Variants in OPA1 observed in about 807,000 individuals in gnomAD.
OPA1 encodes dynamin-like GTPase OPA1, mitochondrial.
Under a neutral mutation model 152.9 loss-of-function variants are expected in OPA1, and 59 were observed. That is an observed-to-expected ratio of 0.39 (90% CI 0.31 to 0.48). The LOEUF (loss-of-function observed/expected upper bound fraction) is 0.48, where lower values mean the gene tolerates loss of function less well. Ranked by LOEUF, OPA1 falls within the 20% of genes least tolerant of loss-of-function variation. OPA1 has a pLI of 0.96. For missense variants in OPA1, 1,008 were observed against 1,216.8 expected (o/e 0.83, Z 2.55); for synonymous variants, 400 against 389.9 (o/e 1.03, Z -0.31).
chr3:193,643,725 T>G lies in OPA1; in HGVS notation c.1477+98T>G. On this transcript the variant is annotated intron_variant, in intron 15 of 30. Transcript: ENST00000361510. ...GTTTGTGTTATGTAAACATACAAGA[T>G]AAATGCATTTTTGCCTTCTCTTCGT... The G allele has an allele frequency of 3.6e-6, 4 of 1,110,770 alleles. No homozygotes were observed. In the South Asian group the frequency reaches 4.2e-5, roughly 12 times the overall value. 68.8% of individuals were successfully genotyped at this position (1,110,770 alleles called of 1,614,324 possible).
At chr3:193,660,111 GA>G (rs1221845169) in intron 25 of OPA1, among the ~76,000 whole-genome samples, 2 of 151,982 alleles carry the variant, frequency 1.3e-5, no homozygotes, top group Non-Finnish European at 2.9e-5. Flanking sequence ...CTTGTGAATA[GA>G]AAAAAATAGT....
At chr3:193,619,129 C>T (rs1729572840) in intron 6 of OPA1, among the ~76,000 whole-genome samples, 193 bp downstream of exon 6, 1 of 152,162 alleles carries the variant, frequency 6.6e-6, no homozygotes, top group African/African-American at 2.4e-5. Flanking sequence ...TTGAGAAGCC[C>T]ATTTCTTTCA....
intron 25 of OPA1, among the ~76,000 whole-genome samples, chr3:193,661,326 C>A (rs1229063668): frequency 6.6e-6 from 1 of 152,168 alleles, no homozygotes; most frequent in Non-Finnish European, 1.5e-5. Flanking sequence ...GCATCTGAAT[C>A]ACCCGGGGAG....
chr3:193,669,487 G>A (rs1490476034), intron 29 of OPA1, among the ~76,000 whole-genome samples: 2 of 152,254 alleles, frequency 1.3e-5, no homozygotes, highest in East Asian at 3.9e-4. Context: ...ATCTCCCAGA[G>A]CCTTAGCTTC....
chr3:193,643,840 CT>C, intron 15 of OPA1, 134 bp from the exon 16 acceptor site: 2 of 1,049,936 alleles, frequency 1.9e-6, no homozygotes, highest in Non-Finnish European at 2.8e-6. Flanking sequence ...GCTAGGATTT[CT>C]TTTTAGTAAA....
chr3:193,632,131 T>C (rs1732176109), intron 8 of OPA1, among the ~76,000 whole-genome samples: 1 of 152,202 alleles, frequency 6.6e-6, no homozygotes, highest in Admixed American at 6.5e-5. Flanking sequence ...GATAAAATTA[T>C]TACTTTAAGG....
intron 1 of OPA1, among the ~76,000 whole-genome samples, chr3:193,596,365 A>ATTCTTTTCTTCTC (rs1560301601): frequency 1.5e-5 from 1 of 68,078 alleles, no homozygotes. Flanking sequence ...TCTTTTCTTA[A>ATTCTTTTCTTCTC]TTTTCTTTTC....
chr3:193,649,995 T>C (rs1323717926), intron 21 of OPA1, among the ~76,000 whole-genome samples: 5 of 152,180 alleles, frequency 3.3e-5, no homozygotes, highest in African/African-American at 1.2e-4. Context: ...GCATTTAATG[T>C]ATATAAAAGT....
intron 4 of OPA1, 74 bp downstream of exon 4, chr3:193,617,359 A>G (rs1577163262): frequency 1.2e-6 from 1 of 856,108 alleles, no homozygotes; most frequent in East Asian, 2.6e-5. Flanking sequence ...TTATTTGTTT[A>G]TTCCCATTTT....
At chr3:193,665,466 T>G (rs1424527465) in intron 27 of OPA1, among the ~76,000 whole-genome samples, 4 of 152,104 alleles carry the variant, frequency 2.6e-5, no homozygotes, top group African/African-American at 9.6e-5. Flanking sequence ...TTTATCATGC[T>G]TTTTTCAGGT....
At chr3:193,601,603 A>G (rs1251259753) in intron 1 of OPA1, among the ~76,000 whole-genome samples, 1 of 152,240 alleles carries the variant, frequency 6.6e-6, no homozygotes, top group East Asian at 1.9e-4. Flanking sequence ...GTAAGGGTGT[A>G]TAACCACATC....
chr3:193,597,387 G>A (rs75977202), intron 1 of OPA1, among the ~76,000 whole-genome samples: 10,236 of 152,172 alleles, frequency 0.067, 403 homozygotes, highest in Non-Finnish European at 0.087. Flanking sequence ...CTGTTTCGCT[G>A]AAGTGATAGA....
intron 26 of OPA1, 52 bp from the exon 27 acceptor site, chr3:193,664,828 A>C: frequency 1.0e-6 from 1 of 971,114 alleles, no homozygotes; most frequent in Non-Finnish European, 1.7e-6. Flanking sequence ...AGTGTGGTTG[A>C]TCAACATGAA....
At chr3:193,643,335 A>G (rs370398753) in intron 13 of OPA1, 38 bp from the exon 14 acceptor site, 62 of 1,521,622 alleles carry the variant, frequency 4.1e-5, no homozygotes, top group Non-Finnish European at 5.2e-5. Flanking sequence ...ATTCCCCCCA[A>G]ACTTTAGCAT....
intron 16 of OPA1, 61 bp downstream of exon 16, chr3:193,644,166 G>A: frequency 1.3e-6 from 2 of 1,581,220 alleles, no homozygotes; most frequent in Non-Finnish European, 8.7e-7. Context: ...CTGTGATAGG[G>A]ATTTGTTATT....
chr3:193,691,409 T>C (rs1441281647), intron 29 of OPA1: 1 of 152,226 alleles, frequency 6.6e-6, no homozygotes, highest in Non-Finnish European at 1.5e-5. Context: ...TAAATCTACC[T>C]CTAGTGGCTC....
At chr3:193,617,032 T>G in intron 3 of OPA1, 146 bp from the exon 4 acceptor site, 1 of 593,052 alleles carries the variant, frequency 1.7e-6, no homozygotes, top group Non-Finnish European at 3.0e-6. Context: ...GTACCTTAGT[T>G]TCTCATCTGT....
intron 11 of OPA1, among the ~76,000 whole-genome samples, chr3:193,641,133 A>G (rs1217796752): frequency 6.6e-6 from 1 of 152,146 alleles, no homozygotes; most frequent in Non-Finnish European, 1.5e-5. Context: ...TGGGAGAGAA[A>G]CCTACCTTTT....
intron 1 of OPA1, among the ~76,000 whole-genome samples, chr3:193,607,236 A>C (rs1727433518): frequency 6.6e-6 from 1 of 152,172 alleles, no homozygotes; most frequent in Admixed American, 6.5e-5. Context: ...CTCTGATGGT[A>C]GTTTCTTTTG....
Sources: gnomAD v4.1 joint callset for allele counts (sites outside exome capture counted in the v4.1 genomes callset) on GRCh38, gnomAD v4.1.1 for gene constraint, MANE v1.5 for transcripts, NCBI Gene and HGNC (gene_info 2026-07-23, HGNC 2026-07-21) for gene names.